The following MBTD1 variants were observed in gnomAD, a reference collection of about 807,000 sequenced individuals.
MBTD1 encodes the protein MBT domain-containing protein 1.
A neutral mutation model predicts 87.8 loss-of-function variants in MBTD1; 24 were observed. The ratio of observed to expected loss-of-function variants is 0.27; its 90% CI spans 0.20 to 0.38. The LOEUF (loss-of-function observed/expected upper bound fraction) is 0.38, where lower values mean the gene tolerates loss of function less well. MBTD1 is among the 10% of genes least tolerant of loss of function. MBTD1 has a pLI of 1.00. For missense variants in MBTD1, 436 were observed against 760.2 expected (o/e 0.57, Z 5.02); for synonymous variants, 237 against 248.6 (o/e 0.95, Z 0.44).
chr17:51,219,716 A>C (rs1353053029), intron 4 of MBTD1, among the ~76,000 whole-genome samples: 1 of 152,252 alleles, frequency 6.6e-6, no homozygotes, highest in Non-Finnish European at 1.5e-5. Flanking sequence ...AAATACTGCA[A>C]AAATCAGTTA....
chr17:51,242,980 C>T (rs1198014644), intron 2 of MBTD1, among the ~76,000 whole-genome samples: 3 of 152,284 alleles, frequency 2.0e-5, no homozygotes, highest in Non-Finnish European at 2.9e-5. Flanking sequence ...ACAAATCTCT[C>T]GTTTCAACAT....
intron 16 of MBTD1, among the ~76,000 whole-genome samples, chr17:51,181,634 G>A (rs1469344780): frequency 6.6e-6 from 1 of 152,130 alleles, no homozygotes; most frequent in Non-Finnish European, 1.5e-5. Flanking sequence ...TCTAGCCTGA[G>A]TGGCAGAGTG....
chr17:51,201,237 A>G (rs1214464627), intron 12 of MBTD1, among the ~76,000 whole-genome samples: 8 of 152,204 alleles, frequency 5.3e-5, no homozygotes, highest in Non-Finnish European at 1.2e-4. Context: ...AACTACTACC[A>G]AAAGGAAGAA....
chr17:51,186,307 A>G (rs569645652), intron 16 of MBTD1: 1 of 152,556 alleles, frequency 6.6e-6, no homozygotes, highest in Admixed American at 6.5e-5. Flanking sequence ...GCTGCACAGG[A>G]CACTCTCAAA....
intron 13 of MBTD1, among the ~76,000 whole-genome samples, chr17:51,194,555 CGA>C (rs1455117840): frequency 1.1e-5 from 1 of 92,404 alleles, no homozygotes; most frequent in Non-Finnish European, 1.9e-5. Flanking sequence ...GGTGACAGAG[CGA>C]GACTGTCTCA....
rs2050213427 is a variant in MBTD1, at chr17:51,179,496, A to ATATATATATATATT, written c.*1079_*1080insAATATATATATATA. The ATATATATATATATT allele has an allele frequency of 1.9e-5, 1 of 53,092 alleles. No individual in the cohort carries two copies. Among genetic ancestry groups the ATATATATATATATT allele is most frequent in the Non-Finnish European group, 3.8e-5 (1 of 26,102 alleles). The allele number at this position is 53,092 out of a possible 1,614,324, so 3.3% of individuals were successfully genotyped here. On this transcript the variant is annotated 3_prime_UTR_variant, in exon 17 of 17. Transcript: ENST00000586178. ...ATTAAAGACAATTTTATATATATAT[A>ATATATATATATATT]TATATATATATATATATATATATAT... is the stretch of plus-strand genomic sequence containing the variant.
In MBTD1 at chr17:51,179,500, A is replaced by ATTTT. The variant is rs1386742366; in HGVS notation, c.*1075_*1076insAAAA. Reference sequence around the variant, plus strand: ...AAGACAATTTTATATATATATATATATATATATATATATATATATATATAT... The same window carrying ATTTT: ...AAGACAATTTTATATATATATATATATTTTTATATATATATATATATATATATAT... On this transcript the variant is annotated 3_prime_UTR_variant, in exon 17 of 17. Coordinates refer to ENST00000586178, the MANE Select transcript of MBTD1 (RefSeq NM_017643.3). The ATTTT allele has an allele frequency of 1.4e-3, 83 of 58,494 alleles. 3 individuals carry two copies. Among genetic ancestry groups the ATTTT allele is most frequent in the East Asian group, 5.9e-3 (14 of 2,356 alleles). The allele number at this position is 58,494 out of a possible 1,614,324, so 3.6% of individuals were successfully genotyped here. A position where few individuals can be genotyped will look rare whatever the true frequency, so the allele number is the denominator to read the frequency against.
intron 6 of MBTD1, among the ~76,000 whole-genome samples, chr17:51,216,853 G>C (rs2052599274): frequency 6.6e-6 from 1 of 152,034 alleles, no homozygotes; most frequent in African/African-American, 2.4e-5. Context: ...CAAGTTGCTA[G>C]GAATACAGTT....
At chr17:51,218,701 A>G (rs754674433) in intron 5 of MBTD1, among the ~76,000 whole-genome samples, 18 of 152,156 alleles carry the variant, frequency 1.2e-4, no homozygotes, top group Admixed American at 2.0e-4. Flanking sequence ...AATAAACCAA[A>G]TAAAAACATT....
chr17:51,192,360 T>A, intron 15 of MBTD1, 80 bp from the exon 16 acceptor site: 1 of 969,768 alleles, frequency 1.0e-6, no homozygotes, highest in Non-Finnish European at 1.6e-6. Flanking sequence ...ACAACTTATA[T>A]GAACTATCTT....
At chr17:51,241,888 C>G (rs185540381) in intron 2 of MBTD1, among the ~76,000 whole-genome samples, 1 of 152,094 alleles carries the variant, frequency 6.6e-6, no homozygotes, top group Non-Finnish European at 1.5e-5. Context: ...TTTTATAACT[C>G]GTTATTGTCC....
At chr17:51,232,343 G>T (rs939219015) in intron 2 of MBTD1, among the ~76,000 whole-genome samples, 6 of 152,020 alleles carry the variant, frequency 3.9e-5, no homozygotes, top group African/African-American at 7.2e-5. Flanking sequence ...ATGAGCGCAC[G>T]ATCAAATAGC....
Position 51,203,876 on chromosome 17 carries a change from C to G in MBTD1, c.654G>C (p.Leu218=). The G allele has an allele frequency of 6.2e-7, 1 of 1,613,146 alleles. No individual in the cohort carries two copies. Among genetic ancestry groups the G allele is most frequent in the Admixed American group, 1.7e-5 (1 of 59,656 alleles). The part of the protein sequence containing the change: ...RYEGFENDSG[L]DFWCNICGSD... ...AACCACATATATTGCACCAGAAGTC[C>G]AGACCAGAGTCATTTTCAAATCCTT... Residue 218 remains leucine, a synonymous_variant, in exon 8 of 17, where the codon CTG becomes CTC. Coordinates refer to ENST00000586178, the MANE Select transcript of MBTD1 (RefSeq NM_017643.3).
chr17:51,223,379 T>A (rs1047398261), intron 3 of MBTD1, among the ~76,000 whole-genome samples: 1 of 146,754 alleles, frequency 6.8e-6, no homozygotes, highest in Admixed American at 6.9e-5. Context: ...CTGAAAAAAA[T>A]ACAAAAATTA....
At chr17:51,190,796 T>C (rs181618820) in intron 16 of MBTD1, among the ~76,000 whole-genome samples, 130 of 106,546 alleles carry the variant, frequency 1.2e-3, no homozygotes, top group African/African-American at 4.7e-3. Flanking sequence ...TGAAATGAAA[T>C]ATGGCCATGT....
intron 3 of MBTD1, among the ~76,000 whole-genome samples, chr17:51,222,808 AT>A (rs908131674): frequency 6.7e-6 from 1 of 148,754 alleles, no homozygotes; most frequent in Non-Finnish European, 1.5e-5. Flanking sequence ...GCTGTTCATA[AT>A]TTTTTTTAGT....
chr17:51,196,225 CTTTT>C (rs770871296), intron 12 of MBTD1, among the ~76,000 whole-genome samples: 1 of 134,636 alleles, frequency 7.4e-6, no homozygotes, highest in Non-Finnish European at 1.6e-5. Context: ...CCCACCCTGC[CTTTT>C]TTTTTTTTTT....
chr17:51,196,493 T>A (rs190584600), intron 12 of MBTD1, among the ~76,000 whole-genome samples: 1 of 151,834 alleles, frequency 6.6e-6, no homozygotes, highest in African/African-American at 2.4e-5. Context: ...CTGCCCCCCC[T>A]TTTTAAAACT....
intron 2 of MBTD1, among the ~76,000 whole-genome samples, chr17:51,255,531 A>G (rs1233178605): frequency 3.9e-5 from 6 of 152,236 alleles, no homozygotes; most frequent in African/African-American, 1.4e-4. Flanking sequence ...TGGTGTATAA[A>G]ATAATCTCTA....
Sources: allele counts gnomAD v4.1 joint callset (sites outside exome capture counted in the v4.1 genomes callset), GRCh38; gene constraint gnomAD v4.1.1; transcripts MANE v1.5; gene names NCBI Gene and HGNC (gene_info 2026-07-23, HGNC 2026-07-21).